TTLL9: variants seen among roughly 807,000 people sequenced by gnomAD.
The protein encoded by TTLL9 is probable tubulin polyglutamylase TTLL9.
A neutral mutation model predicts 65.6 loss-of-function variants in TTLL9; 47 were observed. The observed-to-expected ratio is 0.72, with a 90% CI of 0.57 to 0.91. The LOEUF (loss-of-function observed/expected upper bound fraction) is 0.91. Ranked by LOEUF, TTLL9 falls within the 40% of genes least tolerant of loss-of-function variation. The pLI, the probability that TTLL9 is intolerant of heterozygous loss-of-function variation, is 0.00. For missense variants in TTLL9, 537 were observed against 568.8 expected (o/e 0.94, Z 0.57); for synonymous variants, 179 against 204.8 (o/e 0.87, Z 1.07).
intron 14 of TTLL9, chr20:31,940,018 T>G (rs2064178143): frequency 6.6e-6 from 1 of 152,164 alleles, no homozygotes; most frequent in East Asian, 1.9e-4. Flanking sequence ...TTTGGCACAA[T>G]TGCATTTTAT....
chr20:31,929,871 G>A (rs1032830276), intron 10 of TTLL9, among the ~76,000 whole-genome samples: 2 of 152,212 alleles, frequency 1.3e-5, no homozygotes, highest in Admixed American at 6.5e-5. Flanking sequence ...GCTCACGCCT[G>A]TAATCCTAGC....
intron 4 of TTLL9, among the ~76,000 whole-genome samples, chr20:31,899,068 G>A (rs2063431370): frequency 6.6e-6 from 1 of 152,204 alleles, no homozygotes; most frequent in South Asian, 2.1e-4. Flanking sequence ...CACAGAGTAG[G>A]TGCTATTAGT....
intron 6 of TTLL9, among the ~76,000 whole-genome samples, chr20:31,918,138 C>T (rs6119739): frequency 0.025 from 3,777 of 152,094 alleles, 148 homozygotes; most frequent in African/African-American, 0.085. Context: ...AAGAGACTTT[C>T]CCCCCACCTC....
At chr20:31,891,736 T>C (rs1010161848) in intron 3 of TTLL9, among the ~76,000 whole-genome samples, 1 of 152,244 alleles carries the variant, frequency 6.6e-6, no homozygotes, top group Non-Finnish European at 1.5e-5. Flanking sequence ...GTGAACCCAA[T>C]TGACTTTTGT....
At chr20:31,918,028 C>G (rs1286485159) in intron 6 of TTLL9, among the ~76,000 whole-genome samples, 2 of 152,048 alleles carry the variant, frequency 1.3e-5, no homozygotes, top group Non-Finnish European at 2.9e-5. Flanking sequence ...TTGCTTTTAG[C>G]TTTCCTATCT....
At chr20:31,881,981 G>A (rs959070497) in intron 2 of TTLL9, among the ~76,000 whole-genome samples, 18 of 152,280 alleles carry the variant, frequency 1.2e-4, no homozygotes, top group African/African-American at 4.3e-4. Flanking sequence ...TTGTTGGAAA[G>A]GGAAAGAAAG....
rs1183806381 is a variant in TTLL9, at chr20:31,919,868, C to A, written c.509C>A (p.Ala170Asp). ...TCTGCCCCCATCCCACCCCAGGTAGCCCGGTCTCAAGGGAAAGGCATCTTC... is the reference window on the plus strand; with the variant it reads ...TCTGCCCCCATCCCACCCCAGGTAGACCGGTCTCAAGGGAAAGGCATCTTC... ...PGITWIMKPV[A>D]RSQGKGIFLF... The change falls in exon 7 of 15, where the codon GCC becomes GAC. Residue 170 changes from alanine (A) to aspartate (D), a missense_variant. Coordinates refer to ENST00000535842, the MANE Select transcript of TTLL9 (RefSeq NM_001008409.5). The A allele has an allele frequency of 6.3e-7, 1 of 1,589,114 alleles. No individual in the cohort carries two copies. Among genetic ancestry groups the A allele is most frequent in the Admixed American group, 1.8e-5 (1 of 56,648 alleles).
At chr20:31,927,937 G>C (rs113238928) in intron 10 of TTLL9, among the ~76,000 whole-genome samples, 1,848 of 151,852 alleles carry the variant, frequency 0.012, 30 homozygotes, top group African/African-American at 0.042. Flanking sequence ...TTTGCAATTT[G>C]TTTTTTTCTA....
Position 31,913,157 on chromosome 20 carries a change from TA to T in TTLL9, c.504+3244del, listed in dbSNP as rs796616302. 4.6e-5 allele frequency among the ~76,000 whole-genome samples: 7 copies of T among 151,292 alleles called. No individual in the cohort carries two copies. In the South Asian group the frequency reaches 1.0e-3, roughly 23 times the overall value. On this transcript the variant is annotated intron_variant, in intron 6 of 14. Coordinates refer to ENST00000535842, the MANE Select transcript of TTLL9 (RefSeq NM_001008409.5). ...CCTGGTGACAGAGTGAGACCCTATC[TA>T]AAAAAAAATTAATAATTGTAGATGT...
At chr20:31,880,269 G>GTCCA (rs893268938) in intron 2 of TTLL9, among the ~76,000 whole-genome samples, 48 of 152,004 alleles carry the variant, frequency 3.2e-4, no homozygotes, top group Middle Eastern at 3.4e-3. Context: ...CCGTCCATCC[G>GTCCA]TCCATCCATC....
intron 4 of TTLL9, among the ~76,000 whole-genome samples, chr20:31,908,221 G>A (rs1465904594): frequency 6.6e-6 from 1 of 152,228 alleles, no homozygotes; most frequent in Non-Finnish European, 1.5e-5. Flanking sequence ...CAACTGGCAA[G>A]AACAAGTGAG....
chr20:31,924,924 T>C (rs1568819983), intron 8 of TTLL9, 85 bp from the exon 9 acceptor site: 4 of 1,471,190 alleles, frequency 2.7e-6, no homozygotes, highest in Non-Finnish European at 3.8e-6. Context: ...GTTTCCTGTC[T>C]GTCCACTGCT....
intron 13 of TTLL9, 138 bp downstream of exon 13, chr20:31,937,647 G>A: frequency 3.1e-6 from 2 of 644,350 alleles, no homozygotes; most frequent in South Asian, 1.9e-5. Flanking sequence ...CTTTATAGAT[G>A]GAGAAGCTGA....
chr20:31,924,874 G>C, intron 8 of TTLL9, 135 bp from the exon 9 acceptor site: 1 of 964,616 alleles, frequency 1.0e-6, no homozygotes, highest in East Asian at 2.7e-5. Context: ...ACCGCGCCTA[G>C]CCCCTTGTGT....
chr20:31,897,443 G>A (rs2063403803), intron 3 of TTLL9, among the ~76,000 whole-genome samples: 1 of 152,184 alleles, frequency 6.6e-6, no homozygotes. Flanking sequence ...TAGGTTTGTA[G>A]ATTTTATTGA....
chr20:31,899,644 AGAG>A (rs1431316691), intron 4 of TTLL9, among the ~76,000 whole-genome samples: 6 of 121,834 alleles, frequency 4.9e-5, no homozygotes, highest in Non-Finnish European at 9.0e-5. Flanking sequence ...AAAAAAAAAA[AGAG>A]AGAGAGAGAA....
intron 2 of TTLL9, among the ~76,000 whole-genome samples, chr20:31,880,826 G>A (rs1054116066): frequency 6.7e-6 from 1 of 148,262 alleles, no homozygotes; most frequent in Non-Finnish European, 1.5e-5. Context: ...TTCATGAATG[G>A]CACCTTCATT....
intron 3 of TTLL9, among the ~76,000 whole-genome samples, chr20:31,896,266 C>G (rs1378057409): frequency 3.3e-5 from 5 of 152,210 alleles, no homozygotes; most frequent in Non-Finnish European, 7.3e-5. Context: ...GCGTGAGCCA[C>G]CTAGCCCGGC....
chr20:31,890,132 TC>T (rs2063278230), intron 3 of TTLL9, among the ~76,000 whole-genome samples: 2 of 97,696 alleles, frequency 2.0e-5, no homozygotes, highest in African/African-American at 4.2e-5. Context: ...CTTCCTTCCT[TC>T]CTTCCTTCCT....
Sources: allele counts gnomAD v4.1 joint callset (sites outside exome capture counted in the v4.1 genomes callset), GRCh38; gene constraint gnomAD v4.1.1; transcripts MANE v1.5; gene names NCBI Gene and HGNC (gene_info 2026-07-23, HGNC 2026-07-21).